The following ADAMTSL1 variants were observed in gnomAD, a reference collection of about 807,000 sequenced individuals.
ADAMTSL1 encodes the protein ADAMTS-like protein 1.
A neutral mutation model predicts 201.8 loss-of-function variants in ADAMTSL1; 126 were observed. The ratio of observed to expected loss-of-function variants is 0.62; its 90% CI spans 0.54 to 0.72. The LOEUF (loss-of-function observed/expected upper bound fraction) is 0.72. Ranked by LOEUF, ADAMTSL1 falls within the 30% of genes least tolerant of loss-of-function variation. The pLI, the probability that ADAMTSL1 is intolerant of heterozygous loss-of-function variation, is 0.00. For missense variants in ADAMTSL1, 2,679 were observed against 2,277.8 expected (o/e 1.18, Z -3.59); for synonymous variants, 1,121 against 903.4 (o/e 1.24, Z -4.32).
chr9:18,296,371 GATATT>G (rs1483890479), intron 2 of ADAMTSL1, among the ~76,000 whole-genome samples: 9 of 152,036 alleles, frequency 5.9e-5, no homozygotes, highest in Admixed American at 5.9e-4. Context: ...ATATGCATTG[GATATT>G]ATATTAGGGA....
intron 14 of ADAMTSL1, among the ~76,000 whole-genome samples, chr9:18,716,346 A>G (rs1832930318): frequency 6.6e-6 from 1 of 151,620 alleles, no homozygotes; most frequent in Admixed American, 6.6e-5. Context: ...CATCTGACAA[A>G]GGGCTAATAT....
At chr9:18,507,427 C>T (rs1279483975) in intron 2 of ADAMTSL1, among the ~76,000 whole-genome samples, 2 of 152,134 alleles carry the variant, frequency 1.3e-5, no homozygotes, top group Non-Finnish European at 2.9e-5. Flanking sequence ...TAAGTAAATA[C>T]CTTTATAATA....
At chr9:18,045,032 G>A (rs762060789) in intron 1 of ADAMTSL1, among the ~76,000 whole-genome samples, 12 of 152,124 alleles carry the variant, frequency 7.9e-5, no homozygotes, top group Non-Finnish European at 8.8e-5. Flanking sequence ...TGAGACTTAG[G>A]ATCCAGAGTT....
intron 1 of ADAMTSL1, among the ~76,000 whole-genome samples, chr9:18,151,726 A>AC (rs1367151814): frequency 6.6e-6 from 1 of 152,068 alleles, no homozygotes; most frequent in Non-Finnish European, 1.5e-5. Flanking sequence ...TGGCCACAAG[A>AC]CACATGGCCC....
At chr9:17,942,718 G>GC (rs1827291575) in intron 1 of ADAMTSL1, among the ~76,000 whole-genome samples, 1 of 152,106 alleles carries the variant, frequency 6.6e-6, no homozygotes. Flanking sequence ...GCCACTGGAA[G>GC]CCACTCACAT....
intron 1 of ADAMTSL1, among the ~76,000 whole-genome samples, chr9:17,951,093 C>G (rs1032883712): frequency 6.6e-6 from 1 of 152,144 alleles, no homozygotes; most frequent in Non-Finnish European, 1.5e-5. Flanking sequence ...TCTTCCTTCC[C>G]TCCATCTTCC....
At chr9:18,565,486 AAAAAGAAC>A (rs1178522168) in intron 3 of ADAMTSL1, among the ~76,000 whole-genome samples, 1 of 152,128 alleles carries the variant, frequency 6.6e-6, no homozygotes, top group Non-Finnish European at 1.5e-5. Context: ...TTGCACCAGG[AAAAAGAAC>A]AAAAGCAAGG....
chr9:17,961,926 A>C (rs1250532389), intron 1 of ADAMTSL1, among the ~76,000 whole-genome samples: 1 of 152,200 alleles, frequency 6.6e-6, no homozygotes, highest in Non-Finnish European at 1.5e-5. Flanking sequence ...ACTAAAGTAG[A>C]ATTCTCATCT....
chr9:18,826,118 C>A, intron 21 of ADAMTSL1, 166 bp from the exon 22 acceptor site: 1 of 740,612 alleles, frequency 1.4e-6, no homozygotes, highest in South Asian at 1.8e-5. Context: ...ATATCCTTAT[C>A]CTACCAGGCT....
At chr9:18,095,790 C>G (rs1334280747) in intron 1 of ADAMTSL1, among the ~76,000 whole-genome samples, 1 of 152,078 alleles carries the variant, frequency 6.6e-6, no homozygotes, top group Non-Finnish European at 1.5e-5. Flanking sequence ...AATTCTTGCT[C>G]CAGTCCTGGA....
intron 1 of ADAMTSL1, among the ~76,000 whole-genome samples, chr9:17,952,587 G>C (rs1185715956): frequency 1.3e-5 from 2 of 151,898 alleles, no homozygotes; most frequent in African/African-American, 4.8e-5. Context: ...ATACTACCAT[G>C]TTTTTATTCA....
intron 16 of ADAMTSL1, among the ~76,000 whole-genome samples, chr9:18,767,714 ATTAG>A (rs961877193): frequency 6.6e-6 from 1 of 152,216 alleles, no homozygotes; most frequent in Non-Finnish European, 1.5e-5. Flanking sequence ...CGGGTACAAA[ATTAG>A]TTAAAGAAGT....
chr9:18,315,135 C>G (rs533899629), intron 2 of ADAMTSL1, among the ~76,000 whole-genome samples: 2 of 152,088 alleles, frequency 1.3e-5, no homozygotes, highest in South Asian at 2.1e-4. Flanking sequence ...GCTGATTGGT[C>G]CTTTTTGACA....
chr9:17,916,176 C>T (rs1202071634), intron 1 of ADAMTSL1, among the ~76,000 whole-genome samples: 3 of 152,224 alleles, frequency 2.0e-5, no homozygotes, highest in Admixed American at 6.5e-5. Flanking sequence ...TCACTTCAGC[C>T]TCCCAAAGTA....
At chr9:18,321,640 A>G (rs940255967) in intron 2 of ADAMTSL1, among the ~76,000 whole-genome samples, 1 of 152,128 alleles carries the variant, frequency 6.6e-6, no homozygotes, top group Non-Finnish European at 1.5e-5. Flanking sequence ...AGAAACACAA[A>G]AAATTAGCCG....
chr9:18,202,358 T>C (rs1244960077), intron 2 of ADAMTSL1, among the ~76,000 whole-genome samples: 1 of 152,200 alleles, frequency 6.6e-6, no homozygotes, highest in Non-Finnish European at 1.5e-5. Flanking sequence ...AAACCAAAAG[T>C]ATTATTTGAG....
chr9:18,425,209 C>G (rs370251360), intron 2 of ADAMTSL1, among the ~76,000 whole-genome samples: 2 of 151,790 alleles, frequency 1.3e-5, no homozygotes, highest in Non-Finnish European at 2.9e-5. Flanking sequence ...ATCTTCTCTC[C>G]CTCTCATTTT....
intron 1 of ADAMTSL1, among the ~76,000 whole-genome samples, chr9:17,946,445 C>T (rs1196790204): frequency 6.6e-6 from 1 of 152,064 alleles, no homozygotes; most frequent in Non-Finnish European, 1.5e-5. Flanking sequence ...AGTGAACTTA[C>T]CATCTTTGGT....
In ADAMTSL1 at chr9:18,390,192, GTTAC is replaced by G. The variant is rs567336702; in HGVS notation, c.208-114632_208-114629del. Among the ~76,000 whole-genome samples, 68 of 152,228 alleles carry G rather than the reference GTTAC, an allele frequency of 4.5e-4. No individual in the cohort carries two copies. In the South Asian group the frequency reaches 5.2e-3, roughly 12 times the overall value. On this transcript the variant is annotated intron_variant, in intron 2 of 29. Coordinates refer to the ADAMTSL1 transcript ENST00000680146. The stretch of plus-strand genomic sequence containing the variant: ...CAGCTAATATAGGGCAGGAAGGGGA[GTTAC>G]TTACGAGATTCGTAGTGTCCATAAG...
Sources: allele counts gnomAD v4.1 joint callset (sites outside exome capture counted in the v4.1 genomes callset), GRCh38; gene constraint gnomAD v4.1.1; transcripts MANE v1.5; gene names NCBI Gene and HGNC (gene_info 2026-07-23, HGNC 2026-07-21).